Variants in RPN1 observed in about 807,000 individuals in gnomAD.
RPN1 encodes dolichyl-diphosphooligosaccharide--protein glycosyltransferase subunit 1.
In RPN1, 12 loss-of-function variants were observed where a neutral mutation model predicts 55.5. The ratio of observed to expected loss-of-function variants is 0.22; its 90% CI spans 0.14 to 0.35. The LOEUF (loss-of-function observed/expected upper bound fraction) is 0.35, where lower values mean the gene tolerates loss of function less well. Among genes scored for constraint, RPN1 ranks in the 10% least tolerant of loss-of-function variants. RPN1 has a pLI of 1.00. For synonymous variants in RPN1, 317 were observed against 305.9 expected, an observed-to-expected ratio of 1.04 and a Z score of -0.38; for missense variants, 679 against 761.3, an observed-to-expected ratio of 0.89 and a Z score of 1.27.
intron 8 of RPN1, among the ~76,000 whole-genome samples, chr3:128,624,894 T>G (rs762264781): frequency 3.3e-5 from 5 of 151,716 alleles, no homozygotes; most frequent in Non-Finnish European, 4.4e-5. Flanking sequence ...GCACCAGCTG[T>G]GCTCATCTCC....
intron 8 of RPN1, among the ~76,000 whole-genome samples, chr3:128,623,929 A>G (rs539002430): frequency 1.3e-5 from 2 of 152,170 alleles, no homozygotes; most frequent in East Asian, 3.9e-4. Context: ...ATGCTCAACT[A>G]TTCAAGGGTA....
chr3:128,646,080 T>TCCA (rs1559758618), intron 1 of RPN1, among the ~76,000 whole-genome samples: 1 of 151,064 alleles, frequency 6.6e-6, no homozygotes, highest in Non-Finnish European at 1.5e-5. Flanking sequence ...CCATCTCTAC[T>TCCA]AAAAAAACAA....
At chr3:128,630,914 C>T (rs2069636396) in intron 4 of RPN1, among the ~76,000 whole-genome samples, 1 of 146,030 alleles carries the variant, frequency 6.8e-6, no homozygotes, top group Admixed American at 6.9e-5. Context: ...AAGATCGAGA[C>T]CATCCTGGCT....
intron 2 of RPN1, 192 bp downstream of exon 2, chr3:128,644,727 G>C (rs2069753882): frequency 3.1e-6 from 2 of 646,424 alleles, no homozygotes; most frequent in African/African-American, 1.9e-5. Context: ...GAGAGGCCAA[G>C]GTAGAAGGAT....
intron 8 of RPN1, among the ~76,000 whole-genome samples, chr3:128,624,469 G>C (rs537048281): frequency 3.4e-5 from 5 of 149,178 alleles, no homozygotes; most frequent in Non-Finnish European, 7.4e-5. Context: ...AACAGAGCAA[G>C]ACTCCGTCTC....
At chr3:128,620,683 G>A in intron 9 of RPN1, 90 bp from the exon 10 acceptor site, 1 of 1,351,950 alleles carries the variant, frequency 7.4e-7, no homozygotes, top group South Asian at 1.3e-5. Flanking sequence ...ACAGACCCCA[G>A]AGCTCCACAG....
intron 8 of RPN1, among the ~76,000 whole-genome samples, chr3:128,624,064 C>CTGCA (rs1276631301): frequency 6.6e-6 from 1 of 152,038 alleles, no homozygotes; most frequent in Admixed American, 6.6e-5. Context: ...CTCCGACTAT[C>CTGCA]TGCACATACT....
At chr3:128,650,062 T>C (rs2069804193) in intron 1 of RPN1, among the ~76,000 whole-genome samples, 2 of 152,242 alleles carry the variant, frequency 1.3e-5, no homozygotes, top group African/African-American at 4.8e-5. Flanking sequence ...TTAATTCATT[T>C]ATTTGTCCTC....
chr3:128,625,718 G>A, intron 7 of RPN1, 65 bp from the exon 8 acceptor site: 2 of 1,607,710 alleles, frequency 1.2e-6, no homozygotes, highest in Non-Finnish European at 1.7e-6. Flanking sequence ...GACTCACCCA[G>A]GCTGGCCCAC....
intron 8 of RPN1, among the ~76,000 whole-genome samples, chr3:128,623,986 T>C (rs1050306267): frequency 2.6e-5 from 4 of 151,768 alleles, no homozygotes; most frequent in African/African-American, 9.7e-5. Context: ...TCAGCAGAAA[T>C]AATTACACAC....
At chr3:128,640,380 C>A (rs1165877509) in intron 2 of RPN1, among the ~76,000 whole-genome samples, 1 of 152,096 alleles carries the variant, frequency 6.6e-6, no homozygotes, top group African/African-American at 2.4e-5. Flanking sequence ...TTATAGAACA[C>A]AAAACTTGCA....
At chr3:128,629,365 A>C (rs946398337) in intron 5 of RPN1, among the ~76,000 whole-genome samples, 4 of 152,140 alleles carry the variant, frequency 2.6e-5, no homozygotes. Flanking sequence ...GTTCAAGACC[A>C]ACCTGGCCAA....
rs993876257 is a variant in RPN1 at position 128,633,214 on chromosome 3, TTTTC to T, written c.634-1061_634-1058del. On this transcript the variant is annotated intron_variant, in intron 3 of 9. Coordinates refer to ENST00000296255, the MANE Select transcript of RPN1 (RefSeq NM_002950.4). ...TACTTGGCAAAATACAGCAAGAGGT[TTTTC>T]TTTTTTTTTCTTTTTTTTTTTAAAT... Among the ~76,000 whole-genome samples, 5 of 151,850 alleles carry T rather than the reference TTTTC, an allele frequency of 3.3e-5. No individual in the cohort carries two copies. In the South Asian group the frequency reaches 8.3e-4, roughly 25 times the overall value.
chr3:128,638,509 T>C (rs1355070698), intron 2 of RPN1, among the ~76,000 whole-genome samples: 2 of 152,214 alleles, frequency 1.3e-5, no homozygotes, highest in East Asian at 3.9e-4. Flanking sequence ...AGACAGAGTG[T>C]TGCTCTGTCG....
chr3:128,628,812 T>A (rs2069621350), intron 5 of RPN1, among the ~76,000 whole-genome samples: 1 of 151,810 alleles, frequency 6.6e-6, no homozygotes, highest in Admixed American at 6.6e-5. Context: ...TTAAACCCCA[T>A]CTCTACTAAA....
At chr3:128,635,388 C>T (rs774476989) in intron 3 of RPN1, among the ~76,000 whole-genome samples, 2 of 151,446 alleles carry the variant, frequency 1.3e-5, no homozygotes, top group Non-Finnish European at 2.9e-5. Context: ...GCAACCCCTA[C>T]CTCCTGGGTT....
In RPN1 at chr3:128,620,214, A is replaced by T. The variant is rs3182459; in HGVS notation, c.*197T>A. On this transcript the variant is annotated 3_prime_UTR_variant, in exon 10 of 10. Coordinates refer to ENST00000296255, the MANE Select transcript of RPN1 (RefSeq NM_002950.4). ...AGTTTTTTTAAAGTTTTCTTTTTTT[A>T]AAAAAAAAAAAAAAGAAAGTTAAGG... is the stretch of plus-strand genomic sequence containing the variant. The T allele has an allele frequency of 0.42, 105,819 of 254,276 alleles. 10,792 individuals are homozygous for T. The highest frequency in any genetic ancestry group is 0.48 in the Middle Eastern group (419 of 874). 15.8% of individuals were successfully genotyped at this position (254,276 alleles called of 1,614,324 possible). A position where few individuals can be genotyped will look rare whatever the true frequency, so the allele number is the denominator to read the frequency against.
intron 5 of RPN1, among the ~76,000 whole-genome samples, chr3:128,628,307 G>A (rs1161443808): frequency 2.0e-5 from 3 of 150,718 alleles, no homozygotes; most frequent in African/African-American, 7.3e-5. Flanking sequence ...AAAAAAAAAA[G>A]AAAAATTCAG....
At position 128,626,711 on chromosome 3, in the gene RPN1, G is replaced by A. The variant is rs374536821; in HGVS notation, c.1136+22C>T. The A allele has an allele frequency of 7.5e-6, 12 of 1,606,654 alleles. No homozygotes were observed. The African/African-American group carries it at 8.0e-5, about 11-fold the overall frequency. On this transcript the variant is annotated intron_variant, in intron 6 of 9. Coordinates refer to ENST00000296255, the MANE Select transcript of RPN1 (RefSeq NM_002950.4). Reference sequence around the variant, plus strand: ...TACAACCAGAGAAATCGGGTGCAAAGGAGAGGAACAGTCACACTCACTTGG... The same window carrying A: ...TACAACCAGAGAAATCGGGTGCAAAAGAGAGGAACAGTCACACTCACTTGG...
Sources: gnomAD v4.1 joint callset for allele counts (sites outside exome capture counted in the v4.1 genomes callset) on GRCh38, gnomAD v4.1.1 for gene constraint, MANE v1.5 for transcripts, NCBI Gene and HGNC (gene_info 2026-07-23, HGNC 2026-07-21) for gene names.